The following MYT1L variants were observed in gnomAD, a reference collection of about 807,000 sequenced individuals.
MYT1L encodes myelin transcription factor 1-like protein.
MYT1L carries 12 observed loss-of-function variants against 126.7 expected under a neutral mutation model. The observed-to-expected ratio is 0.09, with a 90% CI of 0.06 to 0.15. MYT1L has a LOEUF of 0.15. MYT1L is among the 10% of genes least tolerant of loss of function. The probability of loss-of-function intolerance (pLI) is 1.00; values close to 1 mark genes in which losing one functional copy is unlikely to be tolerated. For synonymous variants in MYT1L, 541 were observed against 604.2 expected (o/e 0.90, Z 1.53); for missense variants, 979 against 1,585.2 (o/e 0.62, Z 6.49).
chr2:1,833,664 A>G (rs1479270939), intron 21 of MYT1L, among the ~76,000 whole-genome samples: 2 of 152,100 alleles, frequency 1.3e-5, no homozygotes, highest in African/African-American at 4.8e-5. Flanking sequence ...ATCTTCCCCA[A>G]AGGTCATGGC....
intron 18 of MYT1L, among the ~76,000 whole-genome samples, chr2:1,885,815 C>T (rs536672696): frequency 7.2e-5 from 11 of 152,290 alleles, no homozygotes; most frequent in Non-Finnish European, 1.0e-4. Flanking sequence ...CCCCGGATTG[C>T]GGAGGCTTTG....
rs2048269349 is a variant in MYT1L, at chr2:1,887,192, A to G, written c.2642+296T>C. 2.4e-6 allele frequency: 1 copy of G among 417,046 alleles called. No individual in the cohort carries two copies. The allele number at this position is 417,046 out of a possible 1,614,324, so 25.8% of individuals were successfully genotyped here. A position where few individuals can be genotyped will look rare whatever the true frequency, so the allele number is the denominator to read the frequency against. On this transcript the variant is annotated intron_variant, in intron 17 of 24. Transcript: ENST00000647738. This position sits in a 1 kb window ranked among gnomAD's most constrained non-coding sequence, Gnocchi z 4.8. ...TAAAAAAAAAAAAAACTTTTAAAAA[A>G]GTTTCATTGTTTCCAGTTTAGCTGC... is the stretch of plus-strand genomic sequence containing the variant.
At chr2:2,027,792 A>C (rs539495533) in intron 4 of MYT1L, among the ~76,000 whole-genome samples, 2 of 144,332 alleles carry the variant, frequency 1.4e-5, no homozygotes, top group African/African-American at 2.7e-5. Flanking sequence ...TCAAGGGAGG[A>C]AGGTCAGACC....
intron 1 of MYT1L, among the ~76,000 whole-genome samples, chr2:2,296,112 G>T (rs912899149): frequency 8.5e-5 from 13 of 152,116 alleles, no homozygotes; most frequent in African/African-American, 3.1e-4. Flanking sequence ...TTTCAAGGAG[G>T]TGCCTATAAA....
intron 21 of MYT1L, among the ~76,000 whole-genome samples, chr2:1,838,065 C>A (rs952412526): frequency 6.6e-6 from 1 of 151,972 alleles, no homozygotes; most frequent in South Asian, 2.1e-4. Flanking sequence ...GCGCGTGCAC[C>A]ACCACGCCCA....
At chr2:2,099,313 G>A (rs567988295) in intron 3 of MYT1L, among the ~76,000 whole-genome samples, 2 of 151,788 alleles carry the variant, frequency 1.3e-5, no homozygotes, top group Non-Finnish European at 2.9e-5. Flanking sequence ...CTTCCCAGGG[G>A]AGTTTATGCT....
intron 4 of MYT1L, among the ~76,000 whole-genome samples, chr2:2,013,960 A>T (rs1390212173): frequency 6.6e-6 from 1 of 152,226 alleles, no homozygotes; most frequent in African/African-American, 2.4e-5. Context: ...TGCTCCATGC[A>T]TCACAGGATT....
rs2060410646 is a variant in MYT1L at position 1,979,214 on chromosome 2, C to T, written c.103G>A (p.Gly35Ser). The stretch of plus-strand genomic sequence containing the variant: ...CTGACATGACCACTGCCGTCACAGC[C>T]AGGGGTGGGACAGCTGCAACAGGAA... ...IQELFSCPTP[G>S]CDGSGHVSGK... Residue 35 changes from glycine to serine, a missense_variant, in exon 8 of 25, where the codon GGC becomes AGC. By Grantham distance (56) the Gly-to-Ser change is moderately conservative (BLOSUM62 0). Transcript: ENST00000647738. The surrounding 1 kb of genome is among the most constrained non-coding windows in gnomAD (Gnocchi z 4.0). 1 of 1,613,794 alleles carries T rather than the reference C, an allele frequency of 6.2e-7. No homozygotes were observed. Among genetic ancestry groups the T allele is most frequent in the Non-Finnish European group, 8.5e-7 (1 of 1,179,924 alleles).
rs967347760 is a variant in MYT1L at position 2,218,160 on chromosome 2, T to C, written c.-420-45172A>G. Among the ~76,000 whole-genome samples the C allele has an allele frequency of 4.6e-5, 7 of 152,316 alleles. No individual in the cohort carries two copies. The South Asian group carries it at 1.0e-3, about 23-fold the overall frequency. On this transcript the variant is annotated intron_variant, in intron 2 of 24. Coordinates refer to ENST00000647738, the MANE Select transcript of MYT1L (RefSeq NM_001303052.2). ...AGACTTTGGAGAAAGTTTGGCAGTTTGTTATAAAAGTAAGCTTACTCCTGC... is the reference window on the plus strand; with the variant it reads ...AGACTTTGGAGAAAGTTTGGCAGTTCGTTATAAAAGTAAGCTTACTCCTGC...
At chr2:2,028,659 A>G (rs2065896410) in intron 4 of MYT1L, among the ~76,000 whole-genome samples, 1 of 152,214 alleles carries the variant, frequency 6.6e-6, no homozygotes, top group Admixed American at 6.5e-5. Flanking sequence ...GGTATAAGAT[A>G]AAGATCAGAC....
At chr2:1,997,799 T>C (rs769852169) in intron 4 of MYT1L, among the ~76,000 whole-genome samples, 2 of 152,236 alleles carry the variant, frequency 1.3e-5, no homozygotes, top group Admixed American at 6.5e-5. Flanking sequence ...TTCTGTGATG[T>C]CTCCAGGGAC....
chr2:2,070,677 A>C (rs2074496370), intron 3 of MYT1L, among the ~76,000 whole-genome samples: 1 of 152,246 alleles, frequency 6.6e-6, no homozygotes, highest in Non-Finnish European at 1.5e-5. Context: ...TCAAAATATT[A>C]AAGCAGGCAA....
At chr2:1,866,894 G>C (rs1301186779) in intron 18 of MYT1L, among the ~76,000 whole-genome samples, 1 of 143,320 alleles carries the variant, frequency 7.0e-6, no homozygotes, top group Admixed American at 6.9e-5. Flanking sequence ...GAGAGGGAAA[G>C]GGTGAGAGAC....
At chr2:2,123,043 G>A (rs1400000996) in intron 3 of MYT1L, among the ~76,000 whole-genome samples, 1 of 152,050 alleles carries the variant, frequency 6.6e-6, no homozygotes, top group Non-Finnish European at 1.5e-5. Context: ...GGGTTTTCAG[G>A]GCACGCTGGC....
intron 2 of MYT1L, among the ~76,000 whole-genome samples, chr2:2,260,322 T>C (rs748247200): frequency 3.8e-4 from 58 of 152,216 alleles, no homozygotes; most frequent in Non-Finnish European, 6.9e-4. Flanking sequence ...GTTTTGTGAA[T>C]AGAACTTCAA....
chr2:2,207,578 G>A (rs2093362510), intron 2 of MYT1L, among the ~76,000 whole-genome samples: 1 of 152,168 alleles, frequency 6.6e-6, no homozygotes, highest in Non-Finnish European at 1.5e-5. Flanking sequence ...AATGGGGCAA[G>A]GCTGTCTATT....
At chr2:1,847,477 C>T (rs1231959766) in intron 19 of MYT1L, among the ~76,000 whole-genome samples, 5 of 152,042 alleles carry the variant, frequency 3.3e-5, no homozygotes, top group East Asian at 1.9e-4. Context: ...GCATGTGGGA[C>T]GGCTGCGCAG....
chr2:2,064,413 G>A lies in MYT1L; in HGVS notation c.-303-10290C>T, dbSNP rs77781657. ...GATAGAAGTTGTCCAGGAGAACATG[G>A]GGAAGTGAAGTTTTCAAGATCAGGT... On this transcript the variant is annotated intron_variant, in intron 3 of 24. Transcript: ENST00000647738. Among the ~76,000 whole-genome samples, 5 of 152,176 alleles carry A rather than the reference G, an allele frequency of 3.3e-5. No homozygotes were observed. In the East Asian group the frequency reaches 7.7e-4, roughly 23 times the overall value.
rs4286314 is a variant in MYT1L, at chr2:1,851,914, C to A, written c.2712-211G>T. Among the ~76,000 whole-genome samples the A allele has an allele frequency of 0.54, 81,370 of 151,910 alleles. 22,922 individuals carry two copies. Among genetic ancestry groups the A allele is most frequent in the South Asian group, 0.73 (3,501 of 4,812 alleles). On this transcript the variant is annotated intron_variant, in intron 18 of 24. Coordinates refer to ENST00000647738, the MANE Select transcript of MYT1L (RefSeq NM_001303052.2). ...AGCACCGGGAGCTTCGTGGCTGCTCCGCTCCCCACAGTCTCTGGAGCAGAT... is the reference window on the plus strand; with the variant it reads ...AGCACCGGGAGCTTCGTGGCTGCTCAGCTCCCCACAGTCTCTGGAGCAGAT...
Sources: gnomAD v4.1 joint callset for allele counts (sites outside exome capture counted in the v4.1 genomes callset) on GRCh38, gnomAD v4.1.1 for gene constraint, Gnocchi (gnomAD v3.1) non-coding constraint, MANE v1.5 for transcripts, NCBI Gene and HGNC (gene_info 2026-07-23, HGNC 2026-07-21) for gene names.